LZTS1: variants seen among roughly 807,000 people sequenced by gnomAD.
LZTS1 encodes the protein leucine zipper putative tumor suppressor 1.
LZTS1 carries 31 observed loss-of-function variants against 45.8 expected under a neutral mutation model. The ratio of observed to expected loss-of-function variants is 0.68; its 90% CI spans 0.51 to 0.91. The LOEUF is 0.91. Ranked by LOEUF, LZTS1 falls within the 40% of genes least tolerant of loss-of-function variation. LZTS1 has a pLI of 0.00. For missense variants in LZTS1, 821 were observed against 788.9 expected (o/e 1.04, Z -0.49); for synonymous variants, 359 against 357.3 (o/e 1.00, Z -0.05).
At chr8:20,299,991 C>T (rs1801047782) in intron 1 of LZTS1, among the ~76,000 whole-genome samples, 1 of 152,202 alleles carries the variant, frequency 6.6e-6, no homozygotes, top group African/African-American at 2.4e-5. Context: ...TTTTAAAACC[C>T]CAGGTCTAGG....
At chr8:20,293,175 T>C (rs895505170) in intron 1 of LZTS1, among the ~76,000 whole-genome samples, 26 of 152,302 alleles carry the variant, frequency 1.7e-4, no homozygotes, top group Admixed American at 1.6e-3. Context: ...GAATCTATTC[T>C]ATATTCCATT....
intron 1 of LZTS1, among the ~76,000 whole-genome samples, chr8:20,287,466 ACT>A (rs1800812218): frequency 6.6e-6 from 1 of 151,794 alleles, no homozygotes; most frequent in Non-Finnish European, 1.5e-5. Context: ...CCCACCCTCA[ACT>A]CTCTTTCCCT....
At chr8:20,270,746 C>G (rs1444528116) in intron 1 of LZTS1, among the ~76,000 whole-genome samples, 1 of 151,862 alleles carries the variant, frequency 6.6e-6, no homozygotes, top group African/African-American at 2.4e-5. Context: ...CTGGCCTTAC[C>G]CCTCACCCCT....
At chr8:20,260,679 C>G (rs1163470614) in intron 1 of LZTS1, among the ~76,000 whole-genome samples, 3 of 152,196 alleles carry the variant, frequency 2.0e-5, no homozygotes, top group Non-Finnish European at 2.9e-5. Flanking sequence ...AGATTGTAGG[C>G]ACTCAGAAGC....
chr8:20,300,141 G>A (rs1049071847), intron 1 of LZTS1, among the ~76,000 whole-genome samples: 1 of 152,162 alleles, frequency 6.6e-6, no homozygotes, highest in African/African-American at 2.4e-5. Flanking sequence ...GAGAGGCCTT[G>A]AAGGAGCTGG....
At chr8:20,260,882 G>C (rs943156214) in intron 1 of LZTS1, among the ~76,000 whole-genome samples, 1 of 152,170 alleles carries the variant, frequency 6.6e-6, no homozygotes, top group South Asian at 2.1e-4. Flanking sequence ...GAGGAGCTTT[G>C]AAGTTTGAGG....
chr8:20,262,156 C>A (rs945468184), intron 1 of LZTS1, among the ~76,000 whole-genome samples: 1 of 152,332 alleles, frequency 6.6e-6, no homozygotes, highest in East Asian at 1.9e-4. Flanking sequence ...AAGTGTTGTG[C>A]TGGCCACTCC....
At chr8:20,261,456 G>C (rs1448668834) in intron 1 of LZTS1, among the ~76,000 whole-genome samples, 1 of 152,110 alleles carries the variant, frequency 6.6e-6, no homozygotes, top group Non-Finnish European at 1.5e-5. Flanking sequence ...GCTCCACCAG[G>C]ACGGGGAGGG....
At chr8:20,295,586 T>C (rs775923568) in intron 1 of LZTS1, among the ~76,000 whole-genome samples, 2 of 152,104 alleles carry the variant, frequency 1.3e-5, no homozygotes, top group African/African-American at 2.4e-5. Flanking sequence ...GGACACACAT[T>C]CTCTTTCAAG....
At position 20,302,203 on chromosome 8, in the gene LZTS1, G is replaced by A. The variant is rs1331217417; in HGVS notation, c.-135+1537C>T. 3.3e-5 allele frequency among the ~76,000 whole-genome samples: 5 copies of A among 152,228 alleles called. No homozygotes were observed. The East Asian group carries it at 5.8e-4, about 18-fold the overall frequency. On this transcript the variant is annotated intron_variant, in intron 1 of 3. Coordinates refer to ENST00000381569, the MANE Select transcript of LZTS1 (RefSeq NM_021020.5). ...ATGTTGTGAGGATAAAGGAGATAAC[G>A]TATGAGATAACGTCTATGATGAGCA...
chr8:20,297,796 A>T (rs922774066), intron 1 of LZTS1, among the ~76,000 whole-genome samples: 1 of 152,228 alleles, frequency 6.6e-6, no homozygotes, highest in African/African-American at 2.4e-5. Context: ...AAGTGAGCAC[A>T]GAAAAACTGA....
chr8:20,300,441 T>C (rs1278640391), intron 1 of LZTS1, among the ~76,000 whole-genome samples: 1 of 152,016 alleles, frequency 6.6e-6, no homozygotes, highest in Non-Finnish European at 1.5e-5. Flanking sequence ...CACGCCATTC[T>C]CCTGCCTCAG....
chr8:20,268,641 A>G (rs1800411847), intron 1 of LZTS1, among the ~76,000 whole-genome samples: 1 of 152,112 alleles, frequency 6.6e-6, no homozygotes, highest in African/African-American at 2.4e-5. Context: ...CTACATGAGC[A>G]AAGCTCGATA....
At chr8:20,303,623 A>T in intron 1 of LZTS1, 117 bp downstream of exon 1, 1 of 879,046 alleles carries the variant, frequency 1.1e-6, no homozygotes, top group South Asian at 5.2e-5. Flanking sequence ...AGACAGACAA[A>T]GACCGACGGA....
chr8:20,274,529 C>T (rs1050600280), intron 1 of LZTS1, among the ~76,000 whole-genome samples: 2 of 152,102 alleles, frequency 1.3e-5, no homozygotes, highest in African/African-American at 4.8e-5. Context: ...GCATTGGGTC[C>T]GAGCCTGTGG....
chr8:20,251,439 G>C (rs1799906739), intron 3 of LZTS1, among the ~76,000 whole-genome samples: 1 of 152,022 alleles, frequency 6.6e-6, no homozygotes, highest in Admixed American at 6.6e-5. Flanking sequence ...ACTGTGAAAG[G>C]AAATGTGAAG....
At chr8:20,283,519 G>T (rs183033153) in intron 1 of LZTS1, among the ~76,000 whole-genome samples, 32 of 152,120 alleles carry the variant, frequency 2.1e-4, no homozygotes, top group Middle Eastern at 3.4e-3. Flanking sequence ...TTTTATAGCC[G>T]CCCGAACAGA....
At position 20,250,263 on chromosome 8, in the gene LZTS1, G is replaced by T. The variant is rs1408426271; in HGVS notation, c.1250C>A (p.Ala417Glu). The T allele has an allele frequency of 6.2e-7, 1 of 1,613,832 alleles. No homozygotes were observed. Among genetic ancestry groups the T allele is most frequent in the Admixed American group, 1.7e-5 (1 of 60,030 alleles). ...CTTGCCCCGCGTGTCCTTCAGCTGTGCCTTGAGACCCAGGATCTCGCTAGC... is the reference window on the plus strand; with the variant it reads ...CTTGCCCCGCGTGTCCTTCAGCTGTTCCTTGAGACCCAGGATCTCGCTAGC... Reference protein sequence around the residue: ...AKASEILGLKAQLKDTRGKLE... With the variant: ...AKASEILGLKEQLKDTRGKLE... Residue 417 changes from alanine to glutamate, a missense_variant, in exon 4 of 4, where the codon GCA becomes GAA. Physicochemically the swap from Ala to Glu is moderately radical, Grantham distance 107 (BLOSUM62 -1). Transcript: ENST00000381569.
intron 3 of LZTS1, among the ~76,000 whole-genome samples, chr8:20,250,923 A>T (rs562040066): frequency 1.4e-3 from 218 of 151,732 alleles, no homozygotes; most frequent in African/African-American, 5.2e-3. Flanking sequence ...TATTATAAAC[A>T]TACTTTCACT....
Sources: gnomAD v4.1 joint callset for allele counts (sites outside exome capture counted in the v4.1 genomes callset) on GRCh38, gnomAD v4.1.1 for gene constraint, MANE v1.5 for transcripts, NCBI Gene and HGNC (gene_info 2026-07-23, HGNC 2026-07-21) for gene names.